The following SAMD5 variants were observed in gnomAD, a reference collection of about 807,000 sequenced individuals.
The protein encoded by SAMD5 is sterile alpha motif domain containing 5.
Under a neutral mutation model 11.3 loss-of-function variants are expected in SAMD5, and 13 were observed. That is an observed-to-expected ratio of 1.15 (90% CI 0.75 to 1.83). The LOEUF (loss-of-function observed/expected upper bound fraction) is 1.83, where lower values mean the gene tolerates loss of function less well. SAMD5 is among the 40% of genes most tolerant of loss of function. SAMD5 has a pLI of 0.00. For missense variants in SAMD5, 255 were observed against 239.1 expected (o/e 1.07, Z -0.44); for synonymous variants, 129 against 111.3 (o/e 1.16, Z -1.00).
intron 1 of SAMD5, among the ~76,000 whole-genome samples, chr6:147,707,494 G>A (rs776835356): frequency 6.6e-6 from 1 of 152,198 alleles, no homozygotes; most frequent in Non-Finnish European, 1.5e-5. Flanking sequence ...CAGGAAGAGA[G>A]ATGAAGATTT....
chr6:147,652,674 A>T (rs1409272170), intron 1 of SAMD5, among the ~76,000 whole-genome samples: 2 of 152,134 alleles, frequency 1.3e-5, no homozygotes, highest in Non-Finnish European at 2.9e-5. Flanking sequence ...ATTGGGCTAG[A>T]TTGTTTTTAA....
At chr6:147,913,761 T>G in the SAMD5 span, among the ~76,000 whole-genome samples, 1 of 152,184 alleles carries the variant, frequency 6.6e-6, no homozygotes, top group African/African-American at 2.4e-5. Context: ...GGGATGGACT[T>G]GAATTAGATG....
At chr6:147,941,473 C>T in the SAMD5 span, among the ~76,000 whole-genome samples, 3 of 152,192 alleles carry the variant, frequency 2.0e-5, no homozygotes, top group Non-Finnish European at 4.4e-5. Context: ...AGTGGTTTAA[C>T]ATCATGGAGG....
the SAMD5 span, among the ~76,000 whole-genome samples, chr6:147,862,105 C>T: frequency 2.6e-5 from 4 of 152,038 alleles, no homozygotes; most frequent in African/African-American, 9.7e-5. Context: ...TTCAAAGCCA[C>T]CATACGCGAT....
intron 1 of SAMD5, among the ~76,000 whole-genome samples, chr6:147,659,368 C>T (rs1201354953): frequency 1.3e-5 from 2 of 151,846 alleles, no homozygotes; most frequent in African/African-American, 4.8e-5. Flanking sequence ...ATCAGCAAAG[C>T]TTATCAATGT....
At chr6:147,758,991 A>G in the SAMD5 span, among the ~76,000 whole-genome samples, 6 of 152,186 alleles carry the variant, frequency 3.9e-5, no homozygotes, top group South Asian at 1.0e-3. Flanking sequence ...AACAAAACCT[A>G]AACAAACAAC....
At chr6:147,617,228 G>A (rs9386186) in intron 1 of SAMD5, among the ~76,000 whole-genome samples, 3 of 151,378 alleles carry the variant, frequency 2.0e-5, no homozygotes, top group Admixed American at 6.6e-5. Flanking sequence ...CTAACTCAAA[G>A]GTTTATAGGC....
At chr6:147,686,512 G>A (rs532856151) in intron 1 of SAMD5, among the ~76,000 whole-genome samples, 1 of 152,266 alleles carries the variant, frequency 6.6e-6, no homozygotes, top group South Asian at 2.1e-4. Context: ...CTAGTCTCAT[G>A]TATTTAAAAG....
In SAMD5 at chr6:147,680,182, T is replaced by G. The variant is rs1173678167; in HGVS notation, c.163-57135T>G. ...GAGTCTTCTGACCCGTAACTGTCTCTCCATTTATTTCAGTCTTCCTAACCT... is the reference window on the plus strand; with the variant it reads ...GAGTCTTCTGACCCGTAACTGTCTCGCCATTTATTTCAGTCTTCCTAACCT... On this transcript the variant is annotated intron_variant, in intron 1 of 1. Transcript: ENST00000566741. 2.6e-5 allele frequency among the ~76,000 whole-genome samples: 4 copies of G among 152,220 alleles called. No homozygotes were observed. The East Asian group carries it at 7.7e-4, about 29-fold the overall frequency.
chr6:147,643,191 G>A (rs1348104108), intron 1 of SAMD5, among the ~76,000 whole-genome samples: 27 of 152,182 alleles, frequency 1.8e-4, no homozygotes, highest in Admixed American at 1.1e-3. Flanking sequence ...GTTTCATTCC[G>A]TATATTAATG....
the SAMD5 span, among the ~76,000 whole-genome samples, chr6:147,810,468 T>C: frequency 8.5e-5 from 13 of 152,214 alleles, no homozygotes; most frequent in East Asian, 2.3e-3. Flanking sequence ...GCAGCACAAT[T>C]GTGAGCTGGT....
intron 1 of SAMD5, among the ~76,000 whole-genome samples, chr6:147,536,585 T>C (rs1182798462): frequency 6.6e-6 from 1 of 152,076 alleles, no homozygotes; most frequent in African/African-American, 2.4e-5. Flanking sequence ...GAGCTGCACA[T>C]AGAGCCTTAT....
chr6:147,544,800 TTTTG>T (rs1361569125), intron 1 of SAMD5, among the ~76,000 whole-genome samples: 1 of 152,214 alleles, frequency 6.6e-6, no homozygotes, highest in Non-Finnish European at 1.5e-5. Flanking sequence ...ATTCACATAA[TTTTG>T]TTTCAGAATG....
At chr6:147,600,870 A>G (rs1452537868) in intron 1 of SAMD5, among the ~76,000 whole-genome samples, 1 of 152,206 alleles carries the variant, frequency 6.6e-6, no homozygotes, top group Non-Finnish European at 1.5e-5. Flanking sequence ...TCCTTAAGGA[A>G]ATCGAATGCT....
At chr6:147,899,044 G>C in the SAMD5 span, among the ~76,000 whole-genome samples, 1 of 151,688 alleles carries the variant, frequency 6.6e-6, no homozygotes, top group African/African-American at 2.4e-5. Flanking sequence ...AGCCAGGCGT[G>C]GTGGCAGGCA....
chr6:147,598,572 G>A (rs1171533779), intron 1 of SAMD5, among the ~76,000 whole-genome samples: 2 of 152,164 alleles, frequency 1.3e-5, no homozygotes, highest in African/African-American at 4.8e-5. Context: ...GTTAAAAAGT[G>A]GATAATCATG....
chr6:147,583,692 C>T (rs936696348), intron 1 of SAMD5, among the ~76,000 whole-genome samples: 5 of 152,090 alleles, frequency 3.3e-5, no homozygotes, highest in African/African-American at 1.2e-4. Flanking sequence ...TACTCATCAA[C>T]TACTTTATAA....
At chr6:147,950,702 T>C in the SAMD5 span, among the ~76,000 whole-genome samples, 865 of 152,202 alleles carry the variant, frequency 5.7e-3, 4 homozygotes, top group African/African-American at 0.02. Flanking sequence ...GTTTCCTCAC[T>C]GAATCCAAAC....
intron 1 of SAMD5, among the ~76,000 whole-genome samples, chr6:147,641,950 A>T (rs9497834): frequency 3.9e-5 from 6 of 152,162 alleles, no homozygotes. Flanking sequence ...TTTCTGTCAT[A>T]CAACAATGAC....
Sources: gnomAD v4.1 joint callset for allele counts (sites outside exome capture counted in the v4.1 genomes callset) on GRCh38, gnomAD v4.1.1 for gene constraint, MANE v1.5 for transcripts, NCBI Gene and HGNC (gene_info 2026-07-23, HGNC 2026-07-21) for gene names.